Variants in ST8SIA1 observed in about 807,000 individuals in gnomAD.
ST8SIA1 encodes the protein alpha-N-acetylneuraminide alpha-2,8-sialyltransferase.
ST8SIA1 carries 16 observed loss-of-function variants against 35.9 expected under a neutral mutation model. That is an observed-to-expected ratio of 0.45 (90% CI 0.30 to 0.68). The LOEUF (loss-of-function observed/expected upper bound fraction) is 0.68. Among genes scored for constraint, ST8SIA1 ranks in the 30% least tolerant of loss-of-function variants. The probability of loss-of-function intolerance (pLI) is 0.09; values close to 1 mark genes in which losing one functional copy is unlikely to be tolerated. For missense variants in ST8SIA1, 383 were observed against 453.6 expected (o/e 0.84, Z 1.41); for synonymous variants, 170 against 169.6 (o/e 1.00, Z -0.02).
At chr12:22,214,490 G>C (rs1162118716) in intron 4 of ST8SIA1, among the ~76,000 whole-genome samples, 1 of 149,916 alleles carries the variant, frequency 6.7e-6, no homozygotes, top group Admixed American at 6.7e-5. Flanking sequence ...GAAATGGATT[G>C]TTGCATGTCC....
rs1355277218 is a variant in ST8SIA1, at chr12:22,201,589, T to C, written c.1034A>G (p.Asp345Gly). ...CTGGAGTGAGGTATCTTCACATGGG[T>C]CCAGCTGCATTCTCAGTGCACCGAT... is the stretch of plus-strand genomic sequence containing the variant. The part of the protein sequence containing the change: ...HKIGALRMQL[D>G]PCEDTSLQPT... Residue 345 changes from aspartate to glycine, a missense_variant, in exon 5 of 5, where the codon GAC (aspartate) becomes GGC (glycine). Asp to Gly is a moderately conservative substitution (Grantham distance 94). Coordinates refer to ENST00000396037, the MANE Select transcript of ST8SIA1 (RefSeq NM_003034.4). 2 of 1,613,288 alleles carry C rather than the reference T, an allele frequency of 1.2e-6. No individual in the cohort carries two copies. The highest frequency in any genetic ancestry group is 1.7e-6 in the Non-Finnish European group (2 of 1,179,636).
At chr12:22,239,894 C>A (rs1002438731) in intron 4 of ST8SIA1, among the ~76,000 whole-genome samples, 4 of 152,124 alleles carry the variant, frequency 2.6e-5, no homozygotes, top group African/African-American at 9.7e-5. Flanking sequence ...AGATTGGTCT[C>A]TTTTCTAAGT....
At chr12:22,238,523 C>G (rs1322979070) in intron 4 of ST8SIA1, among the ~76,000 whole-genome samples, 1 of 152,198 alleles carries the variant, frequency 6.6e-6, no homozygotes, top group Non-Finnish European at 1.5e-5. Context: ...TGTGAGAGAT[C>G]ATGAGACAGA....
intron 2 of ST8SIA1, among the ~76,000 whole-genome samples, chr12:22,274,138 G>A (rs1343022977): frequency 2.6e-5 from 4 of 152,196 alleles, no homozygotes; most frequent in Non-Finnish European, 5.9e-5. Context: ...GTAAAGCAAG[G>A]TATGAGGATG....
chr12:22,237,055 T>C (rs1865482988), intron 4 of ST8SIA1, among the ~76,000 whole-genome samples: 1 of 152,162 alleles, frequency 6.6e-6, no homozygotes, highest in South Asian at 2.1e-4. Flanking sequence ...CACAGGGCTG[T>C]GGTATTGTCA....
In ST8SIA1 at chr12:22,199,793, A is replaced by T. The variant is rs960943482; in HGVS notation, c.*1759T>A. 6.6e-6 allele frequency: 1 copy of T among 152,200 alleles called. No homozygotes were observed. Among genetic ancestry groups the T allele is most frequent in the African/African-American group, 2.4e-5 (1 of 41,462 alleles). The allele number at this position is 152,200 out of a possible 1,614,324, so 9.4% of individuals were successfully genotyped here. The stretch of plus-strand genomic sequence containing the variant: ...ACCAGCCATTATTGTTTACGTGGTA[A>T]CATGGTATGCTGAGTTTTTACTGTT... On this transcript the variant is annotated 3_prime_UTR_variant, in exon 5 of 5. Transcript: ENST00000396037.
chr12:22,261,120 T>C (rs1169128500), intron 2 of ST8SIA1, among the ~76,000 whole-genome samples: 1 of 151,838 alleles, frequency 6.6e-6, no homozygotes, highest in Non-Finnish European at 1.5e-5. Context: ...AACAAATCAA[T>C]ATTTTTTGTC....
intron 2 of ST8SIA1, among the ~76,000 whole-genome samples, chr12:22,262,443 C>A (rs1485307650): frequency 6.6e-6 from 1 of 152,138 alleles, no homozygotes; most frequent in African/African-American, 2.4e-5. Context: ...CCACCCCCAA[C>A]CCTGAACAGC....
At chr12:22,276,380 T>G (rs1865969126) in intron 2 of ST8SIA1, among the ~76,000 whole-genome samples, 1 of 152,160 alleles carries the variant, frequency 6.6e-6, no homozygotes, top group Non-Finnish European at 1.5e-5. Flanking sequence ...TCTGCTTTCT[T>G]TTTTGGGTTT....
At chr12:22,210,238 A>G (rs1447074093) in intron 4 of ST8SIA1, among the ~76,000 whole-genome samples, 1 of 152,220 alleles carries the variant, frequency 6.6e-6, no homozygotes, top group Non-Finnish European at 1.5e-5. Flanking sequence ...AGATAAAGAT[A>G]GAAATTTTCT....
chr12:22,266,127 G>A (rs1229705391), intron 2 of ST8SIA1, among the ~76,000 whole-genome samples: 1 of 151,702 alleles, frequency 6.6e-6, no homozygotes, highest in Non-Finnish European at 1.5e-5. Context: ...TCAATGGCTC[G>A]CCCTCACCCC....
intron 4 of ST8SIA1, among the ~76,000 whole-genome samples, chr12:22,213,337 T>C (rs1865195862): frequency 6.6e-6 from 1 of 152,348 alleles, no homozygotes; most frequent in Non-Finnish European, 1.5e-5. Flanking sequence ...ATTTGCTTTT[T>C]CTGTGCAGCA....
chr12:22,334,012 G>A lies in ST8SIA1; in HGVS notation c.221C>T (p.Ala74Val), dbSNP rs1416173260. Residue 74 changes from alanine to valine, a missense_variant, in exon 1 of 5, where the codon GCG becomes GTG. By Grantham distance (64) the Ala-to-Val change is moderately conservative. Transcript: ENST00000396037. ...QGTAWRRNQTAARAFRKQMED... is the reference protein window; with the variant it reads ...QGTAWRRNQTVARAFRKQMED... Reference sequence around the variant, plus strand: ...GCAGGAGTACCTGAACGCTCTGGCCGCGGTCTGGTTCCTCCTCCACGCCGT... The same window carrying A: ...GCAGGAGTACCTGAACGCTCTGGCCACGGTCTGGTTCCTCCTCCACGCCGT... The A allele has an allele frequency of 2.5e-6, 4 of 1,613,778 alleles. No homozygotes were observed. The highest frequency in any genetic ancestry group is 1.7e-5 in the Admixed American group (1 of 60,008).
At chr12:22,324,552 G>C (rs1866649471) in intron 1 of ST8SIA1, 1 of 152,116 alleles carries the variant, frequency 6.6e-6, no homozygotes, top group South Asian at 2.1e-4. Context: ...GCAATGTACT[G>C]TTGAATTCAT....
At chr12:22,307,268 C>T (rs550848320) in intron 1 of ST8SIA1, among the ~76,000 whole-genome samples, 4 of 152,206 alleles carry the variant, frequency 2.6e-5, no homozygotes, top group African/African-American at 9.6e-5. Context: ...GGTTGATCCA[C>T]GGGGACTCAG....
chr12:22,239,537 A>T (rs1291172158), intron 4 of ST8SIA1, among the ~76,000 whole-genome samples: 1 of 152,114 alleles, frequency 6.6e-6, no homozygotes, highest in Admixed American at 6.6e-5. Flanking sequence ...TTTAATTTGG[A>T]TATTCTCTTA....
chr12:22,231,789 G>A (rs1865424968), intron 4 of ST8SIA1, among the ~76,000 whole-genome samples: 1 of 152,014 alleles, frequency 6.6e-6, no homozygotes, highest in African/African-American at 2.4e-5. Flanking sequence ...TAGCCAGGAT[G>A]GTCTCGATCT....
intron 4 of ST8SIA1, among the ~76,000 whole-genome samples, chr12:22,214,843 G>T (rs1213729225): frequency 6.6e-6 from 1 of 152,162 alleles, no homozygotes; most frequent in African/African-American, 2.4e-5. Context: ...TATGAGGAAG[G>T]CATTATCCCT....
intron 1 of ST8SIA1, among the ~76,000 whole-genome samples, chr12:22,316,356 T>A (rs1274712560): frequency 6.6e-6 from 1 of 152,160 alleles, no homozygotes; most frequent in East Asian, 1.9e-4. Flanking sequence ...CCCACACATA[T>A]TGGATTATCT....
Sources: allele counts gnomAD v4.1 joint callset (sites outside exome capture counted in the v4.1 genomes callset), GRCh38; gene constraint gnomAD v4.1.1; transcripts MANE v1.5; gene names NCBI Gene and HGNC (gene_info 2026-07-23, HGNC 2026-07-21).